The following PTK2B variants were observed in gnomAD, a reference collection of about 807,000 sequenced individuals.
PTK2B encodes the protein protein-tyrosine kinase 2-beta.
A neutral mutation model predicts 142.9 loss-of-function variants in PTK2B; 71 were observed. The ratio of observed to expected loss-of-function variants is 0.50; its 90% CI spans 0.41 to 0.61. PTK2B has a LOEUF of 0.61. PTK2B is among the 20% of genes least tolerant of loss of function. The pLI is 0.00. For missense variants in PTK2B, 1,105 were observed against 1,320.4 expected, an observed-to-expected ratio of 0.84 and a Z score of 2.53; for synonymous variants, 519 against 503.4, an observed-to-expected ratio of 1.03 and a Z score of -0.42.
intron 3 of PTK2B, among the ~76,000 whole-genome samples, chr8:27,313,904 GTC>G (rs1391597742): frequency 6.6e-6 from 1 of 152,170 alleles, no homozygotes; most frequent in African/African-American, 2.4e-5. Flanking sequence ...TCAGGGAATT[GTC>G]TCTCTCCCTC....
At chr8:27,349,753 T>C (rs1302400916) in intron 1 of PTK2B, among the ~76,000 whole-genome samples, 2 of 152,258 alleles carry the variant, frequency 1.3e-5, no homozygotes, top group Non-Finnish European at 2.9e-5. Context: ...AAACCTGGTC[T>C]CATTTTTGCA....
chr8:27,314,761 G>A (rs776870582), intron 3 of PTK2B, among the ~76,000 whole-genome samples: 9 of 152,138 alleles, frequency 5.9e-5, no homozygotes, highest in Non-Finnish European at 1.2e-4. Context: ...CTTAGTTTGT[G>A]CGTTTTTTCC....
chr8:27,359,830 C>T (rs1357409298), intron 1 of PTK2B, among the ~76,000 whole-genome samples: 1 of 152,076 alleles, frequency 6.6e-6, no homozygotes, highest in East Asian at 1.9e-4. Flanking sequence ...TTCTAGTGCC[C>T]ACCTTGTAGT....
intron 2 of PTK2B, among the ~76,000 whole-genome samples, chr8:27,418,976 C>T (rs1043503382): frequency 9.2e-5 from 14 of 151,932 alleles, no homozygotes; most frequent in African/African-American, 1.9e-4. Context: ...TGCAGTGAGC[C>T]GAGATCACAT....
At chr8:27,450,976 C>A in intron 25 of PTK2B, 67 bp from the exon 26 acceptor site, 1 of 1,611,096 alleles carries the variant, frequency 6.2e-7, no homozygotes, top group South Asian at 1.1e-5. Flanking sequence ...GGGCAAGGGT[C>A]CCCTGCATTC....
chr8:27,433,974 A>T (rs999459994), intron 11 of PTK2B, 119 bp from the exon 12 acceptor site: 11 of 1,322,686 alleles, frequency 8.3e-6, no homozygotes, highest in Non-Finnish European at 1.1e-5. Context: ...GCTAGGAGAG[A>T]ATGGAATTAG....
chr8:27,377,794 C>G (rs143210275), intron 1 of PTK2B, among the ~76,000 whole-genome samples: 2 of 152,248 alleles, frequency 1.3e-5, no homozygotes, highest in East Asian at 3.9e-4. Flanking sequence ...CTGGAAGGAG[C>G]CTCCCCCAAG....
chr8:27,401,234 TCAAGAGAACCAGGAGAACAAGAG>T (rs1000996312), intron 2 of PTK2B, among the ~76,000 whole-genome samples: 2 of 147,722 alleles, frequency 1.4e-5, no homozygotes, highest in Non-Finnish European at 3.0e-5. Context: ...CAAGAATCAG[TCAAGAGAACCAGGAGAACAAGAG>T]CAAGAGAACC....
chr8:27,389,880 G>A (rs1391716014), intron 1 of PTK2B, among the ~76,000 whole-genome samples: 3 of 152,250 alleles, frequency 2.0e-5, no homozygotes, highest in Non-Finnish European at 4.4e-5. Flanking sequence ...GAGCCAGCAG[G>A]GCACAGCCTT....
intron 1 of PTK2B, among the ~76,000 whole-genome samples, chr8:27,394,295 T>G (rs1807906955): frequency 1.3e-5 from 2 of 152,330 alleles, no homozygotes; most frequent in South Asian, 4.1e-4. Flanking sequence ...TCTGGTTTAC[T>G]TACACAAACC....
chr8:27,334,396 C>T (rs954933803), intron 1 of PTK2B, among the ~76,000 whole-genome samples: 5 of 152,184 alleles, frequency 3.3e-5, no homozygotes, highest in African/African-American at 1.2e-4. Context: ...CAAGCCTCTG[C>T]TCAAGTCCTG....
chr8:27,434,909 A>G (rs1200890688), intron 13 of PTK2B, among the ~76,000 whole-genome samples: 1 of 152,152 alleles, frequency 6.6e-6, no homozygotes, highest in Non-Finnish European at 1.5e-5. Context: ...CTGAGGCAGG[A>G]AAATAGCTTG....
intron 1 of PTK2B, among the ~76,000 whole-genome samples, chr8:27,347,202 C>T (rs1804766243): frequency 8.3e-6 from 1 of 121,166 alleles, no homozygotes; most frequent in South Asian, 2.8e-4. Context: ...CATGGTGAAA[C>T]CCCATCTCTA....
upstream of PTK2B, chr8:27,325,351 G>T (rs1015251360): frequency 8.5e-5 from 13 of 152,182 alleles, no homozygotes; most frequent in African/African-American, 2.4e-4. Context: ...TCCCATTTGC[G>T]GCCGGGGGAA....
In PTK2B at chr8:27,440,914, C is replaced by T. The variant is rs148029879; in HGVS notation, c.2039+473C>T. Reference sequence around the variant, plus strand: ...GGGGATAAGGGACCTGAGGGCCCGTCGGTGCCCAGGAGCCATGATTCCCTA... The same window carrying T: ...GGGGATAAGGGACCTGAGGGCCCGTTGGTGCCCAGGAGCCATGATTCCCTA... On this transcript the variant is annotated intron_variant, in intron 21 of 30. Coordinates refer to ENST00000346049, the MANE Select transcript of PTK2B (RefSeq NM_173176.3). 8.1e-3 allele frequency among the ~76,000 whole-genome samples: 1,231 copies of T among 152,124 alleles called. 13 individuals carry two copies. Among genetic ancestry groups the T allele is most frequent in the Non-Finnish European group, 0.013 (897 of 67,988 alleles).
intron 1 of PTK2B, among the ~76,000 whole-genome samples, chr8:27,341,963 C>CCTGGCTGCA (rs1402921592): frequency 6.6e-6 from 1 of 152,034 alleles, no homozygotes; most frequent in African/African-American, 2.4e-5. Context: ...CAGGTATGAT[C>CCTGGCTGCA]CACCCCACCT....
intron 1 of PTK2B, among the ~76,000 whole-genome samples, chr8:27,386,925 T>C (rs1479530976): frequency 6.6e-6 from 1 of 152,096 alleles, no homozygotes; most frequent in Non-Finnish European, 1.5e-5. Flanking sequence ...TTATTACATG[T>C]ATCATAAAAT....
At chr8:27,428,222 A>AG (rs1344889185) in intron 5 of PTK2B, among the ~76,000 whole-genome samples, 1 of 152,188 alleles carries the variant, frequency 6.6e-6, no homozygotes, top group East Asian at 1.9e-4. Context: ...GAGCTCAGGC[A>AG]ATATAGCAAG....
At position 27,411,066 on chromosome 8, in the gene PTK2B, A is replaced by G. The variant is rs76533118; in HGVS notation, c.205-8829A>G. 7.7e-4 allele frequency among the ~76,000 whole-genome samples: 117 copies of G among 152,370 alleles called. 1 individual carries two copies. In the East Asian group the frequency reaches 0.019, roughly 25 times the overall value. The stretch of plus-strand genomic sequence containing the variant: ...CCTGGGCTTACCCAAATAGCAACTG[A>G]TAAAATTAAGACAGTTTTTAAAAAT... On this transcript the variant is annotated intron_variant, in intron 2 of 30. Coordinates refer to ENST00000346049, the MANE Select transcript of PTK2B (RefSeq NM_173176.3).
Sources: gnomAD v4.1 joint callset for allele counts (sites outside exome capture counted in the v4.1 genomes callset) on GRCh38, gnomAD v4.1.1 for gene constraint, MANE v1.5 for transcripts, NCBI Gene and HGNC (gene_info 2026-07-23, HGNC 2026-07-21) for gene names.